The following RASAL2 variants were observed in gnomAD, a reference collection of about 807,000 sequenced individuals.
RASAL2 encodes ras GTPase-activating protein nGAP.
RASAL2 carries 58 observed loss-of-function variants against 128.9 expected under a neutral mutation model. That is an observed-to-expected ratio of 0.45 (90% CI 0.36 to 0.56). The LOEUF (loss-of-function observed/expected upper bound fraction) is 0.56. RASAL2 is among the 20% of genes least tolerant of loss of function. The probability of loss-of-function intolerance (pLI) is 0.00; values close to 1 mark genes in which losing one functional copy is unlikely to be tolerated. For synonymous variants in RASAL2, 561 were observed against 580.8 expected (o/e 0.97, Z 0.49); for missense variants, 1,360 against 1,601.6 (o/e 0.85, Z 2.57).
At chr1:178,198,486 A>G (rs185712880) in intron 1 of RASAL2, among the ~76,000 whole-genome samples, 2 of 152,096 alleles carry the variant, frequency 1.3e-5, no homozygotes, top group African/African-American at 4.8e-5. Flanking sequence ...TTTGGTGTGG[A>G]TGTCCTTTTT....
At chr1:178,266,116 A>G (rs1665934933) in intron 1 of RASAL2, among the ~76,000 whole-genome samples, 3 of 152,234 alleles carry the variant, frequency 2.0e-5, no homozygotes, top group South Asian at 2.1e-4. Flanking sequence ...TGTTGGGTAT[A>G]TATCTAGGAG....
intron 1 of RASAL2, among the ~76,000 whole-genome samples, chr1:178,200,304 G>A (rs1470576548): frequency 6.6e-6 from 1 of 152,182 alleles, no homozygotes; most frequent in Non-Finnish European, 1.5e-5. Context: ...TAATAATGTG[G>A]AGAACAGTGA....
chr1:178,459,372 A>G (rs998237507), intron 14 of RASAL2, among the ~76,000 whole-genome samples: 5 of 151,972 alleles, frequency 3.3e-5, no homozygotes, highest in Admixed American at 2.6e-4. Context: ...TATAATATAT[A>G]TCTTTATATA....
intron 1 of RASAL2, among the ~76,000 whole-genome samples, chr1:178,207,314 C>T (rs1231166909): frequency 6.6e-6 from 1 of 152,124 alleles, no homozygotes; most frequent in Non-Finnish European, 1.5e-5. Context: ...TCAGGTCCCA[C>T]ATCTGCAGAT....
At chr1:178,460,008 A>G (rs1287448391) in intron 14 of RASAL2, among the ~76,000 whole-genome samples, 9 of 152,248 alleles carry the variant, frequency 5.9e-5, no homozygotes, top group Non-Finnish European at 1.2e-4. Context: ...ATTGTGAAGT[A>G]GTTTCCTCAC....
At chr1:178,218,838 T>C (rs1046928681) in intron 1 of RASAL2, among the ~76,000 whole-genome samples, 3 of 152,208 alleles carry the variant, frequency 2.0e-5, no homozygotes, top group Non-Finnish European at 2.9e-5. Flanking sequence ...GGCTTCAACT[T>C]AAAGTCACCA....
chr1:178,137,234 A>G (rs1277830516), intron 1 of RASAL2, among the ~76,000 whole-genome samples: 2 of 152,216 alleles, frequency 1.3e-5, no homozygotes, highest in African/African-American at 4.8e-5. Flanking sequence ...CAGAGAATAA[A>G]CTTGGGTAGA....
chr1:178,219,007 C>T (rs976194589), intron 1 of RASAL2, among the ~76,000 whole-genome samples: 2 of 152,216 alleles, frequency 1.3e-5, no homozygotes. Flanking sequence ...CAGTGTTCAT[C>T]AGTGTTCTTA....
At chr1:178,150,700 T>G (rs1660883367) in intron 1 of RASAL2, among the ~76,000 whole-genome samples, 1 of 152,232 alleles carries the variant, frequency 6.6e-6, no homozygotes, top group South Asian at 2.1e-4. Flanking sequence ...TCATGGATTC[T>G]GTGTTTGCAA....
At chr1:178,324,808 G>C (rs1257860196) in intron 3 of RASAL2, among the ~76,000 whole-genome samples, 1 of 152,052 alleles carries the variant, frequency 6.6e-6, no homozygotes, top group Non-Finnish European at 1.5e-5. Context: ...CAAGCAGAAG[G>C]ATTTATAAAT....
intron 4 of RASAL2, among the ~76,000 whole-genome samples, chr1:178,399,442 G>A (rs1050541361): frequency 1.3e-5 from 2 of 152,156 alleles, no homozygotes; most frequent in Admixed American, 6.5e-5. Flanking sequence ...CTAGTGAGTT[G>A]TAGGGGCAGC....
chr1:178,414,242 C>T (rs1674602531), intron 4 of RASAL2, among the ~76,000 whole-genome samples: 1 of 152,086 alleles, frequency 6.6e-6, no homozygotes, highest in South Asian at 2.1e-4. Context: ...GTATGACATT[C>T]TAGAAAAGGT....
At chr1:178,159,919 AC>A (rs1476098923) in intron 1 of RASAL2, among the ~76,000 whole-genome samples, 3 of 152,138 alleles carry the variant, frequency 2.0e-5, no homozygotes, top group Admixed American at 6.6e-5. Flanking sequence ...AAACAAACAA[AC>A]AAACAAAAAA....
At chr1:178,277,551 T>C (rs1666583951) in intron 1 of RASAL2, among the ~76,000 whole-genome samples, 1 of 152,250 alleles carries the variant, frequency 6.6e-6, no homozygotes, top group African/African-American at 2.4e-5. Context: ...CCAAAACAAA[T>C]CTGGTCATTG....
Position 178,094,534 on chromosome 1 carries a change from G to T in RASAL2, c.42G>T (p.Leu14=), listed in dbSNP as rs760704141. Residue 14 remains leucine (L), a synonymous_variant, in exon 1 of 18, where the codon CTG becomes CTT. Coordinates refer to ENST00000367649, the MANE Select transcript of RASAL2 (RefSeq NM_170692.4). Reference sequence around the variant, plus strand: ...CGTCCGGAGGAGCCGCGGAGGCGCTGTCCTGGCCGGAGATGTTCCCGGCGC... The same window carrying T: ...CGTCCGGAGGAGCCGCGGAGGCGCTTTCCTGGCCGGAGATGTTCCCGGCGC... ...SPSSGGAAEA[L]SWPEMFPALE... 1 of 1,580,102 alleles carries T rather than the reference G, an allele frequency of 6.3e-7. No homozygotes were observed. Among genetic ancestry groups the T allele is most frequent in the Admixed American group, 1.8e-5 (1 of 54,792 alleles).
chr1:178,113,580 G>T (rs1659421564), intron 1 of RASAL2, among the ~76,000 whole-genome samples: 1 of 138,810 alleles, frequency 7.2e-6, no homozygotes. Context: ...GCAGAGTCTT[G>T]CTGTATTGCC....
At position 178,338,074 on chromosome 1, in the gene RASAL2, C is replaced by A. The variant is rs555925646; in HGVS notation, c.457+37956C>A. ...ACAGCTAGCTTATTATTTTTGTGCT[C>A]ACTGATTTTCAAAAAGATCATGCAT... On this transcript the variant is annotated intron_variant, in intron 3 of 17. Transcript: ENST00000367649. Among the ~76,000 whole-genome samples, 5 of 151,658 alleles carry A rather than the reference C, an allele frequency of 3.3e-5. No individual in the cohort carries two copies. In the South Asian group the frequency reaches 1.0e-3, roughly 32 times the overall value.
At chr1:178,312,226 C>T (rs907686633) in intron 3 of RASAL2, among the ~76,000 whole-genome samples, 5 of 152,104 alleles carry the variant, frequency 3.3e-5, no homozygotes, top group African/African-American at 1.2e-4. Context: ...TTACTGAGTT[C>T]CCATGACAAG....
intron 2 of RASAL2, among the ~76,000 whole-genome samples, chr1:178,285,603 C>A (rs1035038910): frequency 6.6e-6 from 1 of 152,096 alleles, no homozygotes; most frequent in Non-Finnish European, 1.5e-5. Flanking sequence ...CCAGACTTTT[C>A]TAGAACAAGT....
Sources: allele counts gnomAD v4.1 joint callset (sites outside exome capture counted in the v4.1 genomes callset), GRCh38; gene constraint gnomAD v4.1.1; transcripts MANE v1.5; gene names NCBI Gene and HGNC (gene_info 2026-07-23, HGNC 2026-07-21).